SRP19: variants seen among roughly 807,000 people sequenced by gnomAD.
SRP19 encodes the protein signal recognition particle 19.
A neutral mutation model predicts 22.4 loss-of-function variants in SRP19; 11 were observed. The observed-to-expected ratio is 0.49, with a 90% CI of 0.31 to 0.81. SRP19 has a LOEUF of 0.81. Among genes scored for constraint, SRP19 ranks in the 40% least tolerant of loss-of-function variants. The pLI, the probability that SRP19 is intolerant of heterozygous loss-of-function variation, is 0.05. For missense variants in SRP19, 168 were observed against 175.9 expected, an observed-to-expected ratio of 0.96 and a Z score of 0.25; for synonymous variants, 61 against 57.6, an observed-to-expected ratio of 1.06 and a Z score of -0.27.
At chr5:112,895,087 A>C (rs1768637604), downstream of SRP19, 1 of 152,052 alleles carries the variant, frequency 6.6e-6, no homozygotes, top group Non-Finnish European at 1.5e-5. Flanking sequence ...AATTAGAAAA[A>C]AAATAGCCGG....
downstream of SRP19, among the ~76,000 whole-genome samples, chr5:112,872,169 T>A (rs963731160): frequency 7.9e-5 from 12 of 152,200 alleles, no homozygotes; most frequent in African/African-American, 2.9e-4. Context: ...ACATTATACA[T>A]TCTGTTCACA....
At chr5:112,874,849 C>T (rs1767859589) in intron 4 of SRP19, among the ~76,000 whole-genome samples, 1 of 150,906 alleles carries the variant, frequency 6.6e-6, no homozygotes, top group South Asian at 2.1e-4. Flanking sequence ...GATCTCGGCT[C>T]ACTGCAACCT....
At chr5:112,884,589 C>T (rs540273579) in intron 4 of SRP19, among the ~76,000 whole-genome samples, 9 of 152,014 alleles carry the variant, frequency 5.9e-5, no homozygotes, top group African/African-American at 2.2e-4. Context: ...GAGACCCTGT[C>T]ACAAACAAGC....
chr5:112,861,957 A>G (rs13354540), intron 1 of SRP19, among the ~76,000 whole-genome samples: 4,873 of 152,308 alleles, frequency 0.032, 143 homozygotes, highest in African/African-American at 0.082. Flanking sequence ...ATTTAAAGAA[A>G]TAACATTAAG....
chr5:112,876,967 G>C (rs1191204154), intron 4 of SRP19: 6 of 151,676 alleles, frequency 4.0e-5, no homozygotes, highest in Non-Finnish European at 7.4e-5. Context: ...TGATTATATA[G>C]TCTATATGCT....
rs754751095 is a variant in SRP19, at chr5:112,867,580, T to A, written c.*43T>A. On this transcript the variant is annotated 3_prime_UTR_variant, in exon 5 of 5. Transcript: ENST00000505459. ...GTATGTGGTACTACTGTAAGAGACA[T>A]GAATGGAGACTTCTAATTTGTATCG... The A allele has an allele frequency of 2.0e-6, 3 of 1,523,792 alleles. No individual in the cohort carries two copies. The highest frequency in any genetic ancestry group is 2.8e-5 in the African/African-American group (2 of 72,176). The allele number at this position is 1,523,792 out of a possible 1,614,324, so 94.4% of individuals were successfully genotyped here. A position where few individuals can be genotyped will look rare whatever the true frequency, so the allele number is the denominator to read the frequency against.
downstream of SRP19, among the ~76,000 whole-genome samples, chr5:112,872,779 G>T (rs1003950019): frequency 6.6e-6 from 1 of 152,134 alleles, no homozygotes; most frequent in Non-Finnish European, 1.5e-5. Context: ...TGTGTATCCC[G>T]TGTATTCCTC....
chr5:112,868,028 T>G lies in SRP19; in HGVS notation c.*491T>G. The G allele has an allele frequency of 9.1e-6, 9 of 986,058 alleles. No individual in the cohort carries two copies. Among genetic ancestry groups the G allele is most frequent in the Non-Finnish European group, 1.1e-5 (9 of 830,346 alleles). 61.1% of individuals were successfully genotyped at this position (986,058 alleles called of 1,614,324 possible). A position where few individuals can be genotyped will look rare whatever the true frequency, so the allele number is the denominator to read the frequency against. On this transcript the variant is annotated 3_prime_UTR_variant, in exon 5 of 5. Transcript: ENST00000505459. ...TAGAAGAAACTGTGGTAGGTCCTTT[T>G]GTGGGTGGGGGACAGGGGAGTCTGT... is the stretch of plus-strand genomic sequence containing the variant.
intron 2 of SRP19, among the ~76,000 whole-genome samples, chr5:112,862,939 T>C (rs1165740376): frequency 6.6e-6 from 1 of 152,174 alleles, no homozygotes; most frequent in Non-Finnish European, 1.5e-5. Context: ...CAGAATGTAG[T>C]TGAGATTTTT....
chr5:112,893,116 A>AAG, downstream of SRP19: 1 of 809,836 alleles, frequency 1.2e-6, no homozygotes. Flanking sequence ...AAAAAAAAAA[A>AAG]AGAATGGACC....
intron 4 of SRP19, chr5:112,878,559 C>T (rs1335466826): frequency 1.9e-6 from 1 of 535,518 alleles, no homozygotes; most frequent in African/African-American, 1.9e-5. Context: ...AGGCAAAATA[C>T]ATTTTCCAAA....
chr5:112,892,349 C>G (rs763805816), exon 5 of SRP19: 48 of 1,614,106 alleles, frequency 3.0e-5, no homozygotes, highest in Non-Finnish European at 4.1e-5. Context: ...GAGGAAGAAA[C>G]CTACCAACAG....
At position 112,861,311 on chromosome 5, in the gene SRP19, G is replaced by C. The variant is rs1767383242; in HGVS notation, c.-66G>C. On this transcript the variant is annotated 5_prime_UTR_variant, in exon 1 of 5. Transcript: ENST00000505459. Reference sequence around the variant, plus strand: ...CGGGCTGTCTCGGAAACTCAGAGCCGGGTTCCTCCCGGGTTTCTGCCGGGT... The same window carrying C: ...CGGGCTGTCTCGGAAACTCAGAGCCCGGTTCCTCCCGGGTTTCTGCCGGGT... The C allele has an allele frequency of 6.3e-6, 10 of 1,591,750 alleles. No homozygotes were observed. The highest frequency in any genetic ancestry group is 1.7e-4 in the Middle Eastern group (1 of 5,958).
At chr5:112,871,752 C>G (rs1767767615), downstream of SRP19, among the ~76,000 whole-genome samples, 1 of 151,982 alleles carries the variant, frequency 6.6e-6, no homozygotes, top group Non-Finnish European at 1.5e-5. Context: ...GAGTGAAACT[C>G]CGTCTCAAAA....
chr5:112,874,148 A>G (rs1454608438), downstream of SRP19, among the ~76,000 whole-genome samples: 2 of 152,180 alleles, frequency 1.3e-5, no homozygotes, highest in Non-Finnish European at 2.9e-5. Context: ...CCTGGGTGAC[A>G]GAGTGAGTCC....
chr5:112,861,341 C>A lies in SRP19; in HGVS notation c.-36C>A, dbSNP rs370035497. 17 of 1,613,798 alleles carry A rather than the reference C, an allele frequency of 1.1e-5. No individual in the cohort carries two copies. The highest frequency in any genetic ancestry group is 1.4e-5 in the Non-Finnish European group (16 of 1,179,860). ...CCTCCCGGGTTTCTGCCGGGTTTCT[C>A]CCTGCGGCTCCTGGGTTGTTGAGAC... On this transcript the variant is annotated 5_prime_UTR_variant, in exon 1 of 5. Coordinates refer to ENST00000505459, the MANE Select transcript of SRP19 (RefSeq NM_003135.3).
chr5:112,861,564 G>A (rs1016172941), intron 1 of SRP19, 147 bp downstream of exon 1: 3 of 824,990 alleles, frequency 3.6e-6, no homozygotes, highest in Non-Finnish European at 5.6e-6. Flanking sequence ...CTCCCTGGCA[G>A]CTCGTTTTTC....
chr5:112,863,983 A>T (rs1436992910), intron 2 of SRP19, among the ~76,000 whole-genome samples: 1 of 152,206 alleles, frequency 6.6e-6, no homozygotes, highest in East Asian at 1.9e-4. Flanking sequence ...TTCTATTAAT[A>T]GTTTGAGGCT....
At chr5:112,891,370 GCCA>G (rs1768439929) in intron 4 of SRP19, among the ~76,000 whole-genome samples, 1 of 152,030 alleles carries the variant, frequency 6.6e-6, no homozygotes. Context: ...ACCGCACCTG[GCCA>G]TAAGTAAATA....
Sources: allele counts gnomAD v4.1 joint callset (sites outside exome capture counted in the v4.1 genomes callset), GRCh38; gene constraint gnomAD v4.1.1; transcripts MANE v1.5; gene names NCBI Gene and HGNC (gene_info 2026-07-23, HGNC 2026-07-21).